The following ABCC4 variants were observed in gnomAD, a reference collection of about 807,000 sequenced individuals.
ABCC4 encodes ATP binding cassette subfamily C member 4 (PEL blood group).
ABCC4 carries 102 observed loss-of-function variants against 168.5 expected under a neutral mutation model. The ratio of observed to expected loss-of-function variants is 0.61; its 90% confidence interval spans 0.52 to 0.71. ABCC4 has a LOEUF of 0.71. ABCC4 is among the 30% of genes least tolerant of loss of function. The probability of loss-of-function intolerance (pLI) is 0.00; values close to 1 mark genes in which losing one functional copy is unlikely to be tolerated. For synonymous variants in ABCC4, 617 were observed against 590.7 expected (o/e 1.04, Z -0.65); for missense variants, 1,402 against 1,605.8 (o/e 0.87, Z 2.17).
chr13:95,143,185 G>A (rs765067319), intron 19 of ABCC4, among the ~76,000 whole-genome samples: 21 of 152,086 alleles, frequency 1.4e-4, no homozygotes, highest in Non-Finnish European at 2.6e-4. Context: ...ACCACCAAGA[G>A]AATTCACCAA....
Position 95,073,302 on chromosome 13 carries a change from G to C in ABCC4, c.2920C>G (p.Leu974Val), listed in dbSNP as rs769948414. 5.6e-6 allele frequency: 9 copies of C among 1,612,562 alleles called. 1 individual carries two copies. The South Asian group carries it at 9.9e-5, about 18-fold the overall frequency. Residue 974 changes from leucine to valine, a missense_variant and splice_region_variant, in exon 24 of 31, where the codon CTG becomes GTG. Around this residue, in one of 3 missense-constraint regions of ABCC4, gnomAD observed 1,007 missense variants for 1,127.3 expected, o/e 0.89. Coordinates refer to ENST00000645237, the MANE Select transcript of ABCC4 (RefSeq NM_005845.5). ...AFGSLILAKTLDAGQVGLALS... is the reference protein window; with the variant it reads ...AFGSLILAKTVDAGQVGLALS... ...GCCAAACCAACCTGCCCGGCATCCA[G>C]AGCTACGTAAGGAGGAAGAAGGGAA...
At position 95,021,555 on chromosome 13, in the gene ABCC4, A is replaced by T. The variant is rs1442259034; in HGVS notation, c.*20T>A. 1.3e-6 allele frequency: 2 copies of T among 1,546,776 alleles called. No homozygotes were observed. The highest frequency in any genetic ancestry group is 2.3e-5 in the South Asian group (2 of 88,268). ...CTAGTGGAAAATGCCTTCGGAACGG[A>T]CTTGACATTTTGGTTGGATTCACAG... On this transcript the variant is annotated 3_prime_UTR_variant, in exon 31 of 31. Transcript: ENST00000645237.
At chr13:95,134,187 A>G (rs1399636045) in intron 19 of ABCC4, among the ~76,000 whole-genome samples, 1 of 152,208 alleles carries the variant, frequency 6.6e-6, no homozygotes, top group Admixed American at 6.5e-5. Flanking sequence ...TGAGAACCGA[A>G]GGCCAAAAGG....
At chr13:95,288,761 C>G (rs1388935996) in intron 1 of ABCC4, among the ~76,000 whole-genome samples, 2 of 151,668 alleles carry the variant, frequency 1.3e-5, no homozygotes, top group Non-Finnish European at 2.9e-5. Context: ...GAGCAAGACT[C>G]TGACTCAAAA....
intron 17 of ABCC4, 113 bp downstream of exon 17, chr13:95,163,497 G>C: frequency 5.8e-6 from 6 of 1,039,318 alleles, no homozygotes; most frequent in East Asian, 2.6e-5. Context: ...TCGGGTAAAC[G>C]AAGTGAGGAT....
At chr13:95,107,371 C>T (rs1232445246) in intron 20 of ABCC4, among the ~76,000 whole-genome samples, 4 of 152,122 alleles carry the variant, frequency 2.6e-5, no homozygotes, top group African/African-American at 9.7e-5. Flanking sequence ...ATGCTGTGTA[C>T]TGTATATGTT....
chr13:95,042,441 A>G lies in ABCC4; in HGVS notation c.3735+1241T>C, dbSNP rs758618217. Among the ~76,000 whole-genome samples the G allele has an allele frequency of 5.3e-5, 8 of 152,358 alleles. 1 individual carries two copies. In the South Asian group the frequency reaches 1.4e-3, roughly 28 times the overall value. On this transcript the variant is annotated intron_variant, in intron 29 of 30. Coordinates refer to ENST00000645237, the MANE Select transcript of ABCC4 (RefSeq NM_005845.5). Reference sequence around the variant, plus strand: ...GCTGCGTTTGATGAACTGAAGGACAATAACTAAAGGACTGTGGCTTTTACT... The same window carrying G: ...GCTGCGTTTGATGAACTGAAGGACAGTAACTAAAGGACTGTGGCTTTTACT...
intron 16 of ABCC4, 108 bp from the exon 17 acceptor site, chr13:95,163,755 G>C: frequency 1.1e-6 from 1 of 914,368 alleles, no homozygotes; most frequent in South Asian, 1.5e-5. Context: ...CTCAAAGCCG[G>C]GCGTGGTGGC....
chr13:95,118,220 A>G (rs1399458868), intron 19 of ABCC4, among the ~76,000 whole-genome samples: 1 of 151,702 alleles, frequency 6.6e-6, no homozygotes, highest in East Asian at 1.9e-4. Flanking sequence ...GAAACAATTC[A>G]AAGACTGGTG....
intron 21 of ABCC4, among the ~76,000 whole-genome samples, chr13:95,079,328 C>T (rs974733466): frequency 6.6e-6 from 1 of 152,198 alleles, no homozygotes; most frequent in Non-Finnish European, 1.5e-5. Context: ...CTGAAAAGAA[C>T]ATGAAAAGGA....
chr13:95,159,123 AT>A (rs1413943320), intron 19 of ABCC4, among the ~76,000 whole-genome samples: 7 of 134,046 alleles, frequency 5.2e-5, no homozygotes, highest in African/African-American at 1.9e-4. Context: ...ATATATATAT[AT>A]ATATATATAA....
chr13:95,161,194 G>A lies in ABCC4; in HGVS notation c.2450C>T (p.Pro817Leu), dbSNP rs2037086932. The change falls in exon 19 of 31, where the codon CCA becomes CTA. Residue 817 changes from proline (P) to leucine (L), a missense_variant. By Grantham distance (98) the Pro-to-Leu change is moderately conservative. This residue lies in a region of ABCC4 where 1,007 missense variants were observed against 1,127.3 expected (regional missense o/e 0.89). Transcript: ENST00000645237. ...AAACTTGGTGTCAGACTTACCTATT[G>A]GATTTCTATCAAAGAATAATACCGG... is the stretch of plus-strand genomic sequence containing the variant. ...KAPVLFFDRN[P>L]IGRILNRFSK... 1.9e-6 allele frequency: 3 copies of A among 1,597,654 alleles called. No individual in the cohort carries two copies. The highest frequency in any genetic ancestry group is 2.6e-6 in the Non-Finnish European group (3 of 1,175,372).
intron 1 of ABCC4, among the ~76,000 whole-genome samples, chr13:95,255,001 G>A (rs1022011436): frequency 2.6e-5 from 4 of 152,064 alleles, no homozygotes; most frequent in Admixed American, 6.6e-5. Flanking sequence ...AATCCATTAC[G>A]AGTCCATGAT....
At chr13:95,264,186 A>C (rs1397238620) in intron 1 of ABCC4, among the ~76,000 whole-genome samples, 1 of 152,146 alleles carries the variant, frequency 6.6e-6, no homozygotes. Flanking sequence ...AAAACAGAAT[A>C]TTTCTTACTG....
intron 19 of ABCC4, among the ~76,000 whole-genome samples, chr13:95,124,106 C>A (rs1365245782): frequency 6.6e-6 from 1 of 152,108 alleles, no homozygotes; most frequent in Non-Finnish European, 1.5e-5. Context: ...GTGTTGAGGG[C>A]CTCTGCTAAA....
At chr13:95,219,142 A>T (rs1256520880) in intron 4 of ABCC4, among the ~76,000 whole-genome samples, 1 of 152,222 alleles carries the variant, frequency 6.6e-6, no homozygotes, top group Admixed American at 6.5e-5. Flanking sequence ...TACCCATGGA[A>T]AGAACATGTA....
chr13:95,292,173 C>T (rs2041420148), intron 1 of ABCC4, among the ~76,000 whole-genome samples: 1 of 152,068 alleles, frequency 6.6e-6, no homozygotes, highest in Non-Finnish European at 1.5e-5. Flanking sequence ...GCCAGGGCAA[C>T]ATGGCAAAAC....
chr13:95,054,053 T>G, intron 26 of ABCC4: 1 of 64,672 alleles, frequency 1.5e-5, no homozygotes, highest in African/African-American at 5.1e-5. Flanking sequence ...TTTTTTTTTT[T>G]TTTTTTTTTT....
intron 1 of ABCC4, among the ~76,000 whole-genome samples, chr13:95,295,713 C>G (rs1425234680): frequency 3.3e-5 from 5 of 151,056 alleles, no homozygotes; most frequent in Non-Finnish European, 1.5e-5. Flanking sequence ...GCTTGTAATC[C>G]CAGCACTTTG....
Sources: gnomAD v4.1 joint callset for allele counts (sites outside exome capture counted in the v4.1 genomes callset) on GRCh38, gnomAD v4.1.1 for gene constraint, gnomAD v4.1.1 regional missense constraint, MANE v1.5 for transcripts, NCBI Gene and HGNC (gene_info 2026-07-23, HGNC 2026-07-21) for gene names.